The following CSMD1 variants were observed in gnomAD, a reference collection of about 807,000 sequenced individuals.
CSMD1 encodes the protein CUB and Sushi multiple domains 1.
CSMD1 carries 213 observed loss-of-function variants against 417.5 expected under a neutral mutation model. The observed-to-expected ratio is 0.51, with a 90% confidence interval of 0.46 to 0.57. The LOEUF is 0.57. CSMD1 is among the 20% of genes least tolerant of loss of function. CSMD1 has a pLI of 0.00. For missense variants in CSMD1, 6,923 were observed against 4,529.7 expected (o/e 1.53, Z -15.17); for synonymous variants, 2,862 against 1,736.8 (o/e 1.65, Z -16.11).
intron 2 of CSMD1, among the ~76,000 whole-genome samples, chr8:4,421,047 A>G (rs903906955): frequency 6.6e-6 from 1 of 152,190 alleles, no homozygotes; most frequent in African/African-American, 2.4e-5. Context: ...CCCCTTAAAG[A>G]GACTCATTTG....
chr8:3,851,661 G>A (rs760806882), intron 5 of CSMD1, among the ~76,000 whole-genome samples: 1 of 152,008 alleles, frequency 6.6e-6, no homozygotes, highest in African/African-American at 2.4e-5. Context: ...TAGACAATAA[G>A]AAACAAAGAA....
chr8:4,664,499 T>C (rs1174064984), intron 1 of CSMD1, among the ~76,000 whole-genome samples: 3 of 152,096 alleles, frequency 2.0e-5, no homozygotes, highest in Non-Finnish European at 2.9e-5. Context: ...AGTTCAAGGC[T>C]GCAGTGAGCC....
At chr8:4,956,168 T>G (rs1305702130) in intron 1 of CSMD1, among the ~76,000 whole-genome samples, 1 of 152,132 alleles carries the variant, frequency 6.6e-6, no homozygotes, top group African/African-American at 2.4e-5. Context: ...TCTAGAGTTG[T>G]TTCTTTTCTA....
chr8:3,770,335 C>T (rs974463756), intron 5 of CSMD1, among the ~76,000 whole-genome samples: 1 of 152,156 alleles, frequency 6.6e-6, no homozygotes, highest in African/African-American at 2.4e-5. Flanking sequence ...TCAAGACCAG[C>T]CTGTCCTATG....
intron 3 of CSMD1, among the ~76,000 whole-genome samples, chr8:4,192,099 G>A (rs1026333344): frequency 2.0e-5 from 3 of 152,102 alleles, no homozygotes; most frequent in African/African-American, 2.4e-5. Flanking sequence ...CCAAAAACGT[G>A]GGAAGGAGAA....
At chr8:3,347,932 G>C in intron 22 of CSMD1, 60 bp downstream of exon 22, 1 of 1,186,922 alleles carries the variant, frequency 8.4e-7, no homozygotes, top group South Asian at 1.5e-5. Context: ...AAAATAGATA[G>C]ACAATGTATT....
At chr8:4,672,044 G>C (rs1044664355) in intron 1 of CSMD1, among the ~76,000 whole-genome samples, 3 of 152,180 alleles carry the variant, frequency 2.0e-5, no homozygotes, top group African/African-American at 7.2e-5. Flanking sequence ...CACCAAGGCA[G>C]TCCTGTACCT....
At chr8:3,946,836 A>T (rs966989572) in intron 5 of CSMD1, among the ~76,000 whole-genome samples, 27 of 152,264 alleles carry the variant, frequency 1.8e-4, no homozygotes, top group African/African-American at 6.0e-4. Context: ...TAAATGTTAT[A>T]ATTTTAAAAA....
intron 1 of CSMD1, among the ~76,000 whole-genome samples, chr8:4,741,065 T>C (rs191124340): frequency 6.6e-6 from 1 of 152,236 alleles, no homozygotes; most frequent in Admixed American, 6.5e-5. Context: ...TTAATCCTTA[T>C]GCTTTAAGGA....
chr8:4,550,814 C>G (rs758971361), intron 2 of CSMD1, among the ~76,000 whole-genome samples: 9 of 152,180 alleles, frequency 5.9e-5, no homozygotes, highest in Non-Finnish European at 1.3e-4. Context: ...AAACCACCAC[C>G]AATTGGTCCA....
At chr8:3,148,106 G>A (rs766294199) in intron 40 of CSMD1, among the ~76,000 whole-genome samples, 2 of 152,148 alleles carry the variant, frequency 1.3e-5, no homozygotes, top group African/African-American at 2.4e-5. Context: ...GTAACCACAG[G>A]AAATGTTCCA....
At position 4,895,227 on chromosome 8, in the gene CSMD1, A is replaced by C. The variant is rs116315169; in HGVS notation, c.85+99105T>G. On this transcript the variant is annotated intron_variant, in intron 1 of 69. Transcript: ENST00000635120. ...TAAGCTAACCATGTACAACTAAGAC[A>C]ACCTGAATCACGTTCAGAGATGAAC... Among the ~76,000 whole-genome samples, 124 of 152,290 alleles carry C rather than the reference A, an allele frequency of 8.1e-4. 2 individuals carry two copies. The highest frequency in any genetic ancestry group is 2.9e-3 in the African/African-American group (121 of 41,532).
intron 3 of CSMD1, among the ~76,000 whole-genome samples, chr8:4,160,380 G>C (rs1484685754): frequency 1.3e-5 from 2 of 152,130 alleles, no homozygotes; most frequent in African/African-American, 4.8e-5. Flanking sequence ...TGGAAATTTG[G>C]TGTTATGTTG....
intron 1 of CSMD1, among the ~76,000 whole-genome samples, chr8:4,981,069 G>C (rs571080282): frequency 1.3e-4 from 20 of 152,306 alleles, no homozygotes; most frequent in Admixed American, 1.2e-3. Flanking sequence ...TGAACACCAT[G>C]ATGCGTGCAT....
intron 10 of CSMD1, among the ~76,000 whole-genome samples, chr8:3,518,319 C>A (rs1797365836): frequency 6.6e-6 from 1 of 152,064 alleles, no homozygotes; most frequent in African/African-American, 2.4e-5. Flanking sequence ...GACGCAAATT[C>A]CTCTGGAGCT....
intron 2 of CSMD1, among the ~76,000 whole-genome samples, chr8:4,453,758 T>A (rs141690446): frequency 1.3e-4 from 19 of 151,076 alleles, no homozygotes; most frequent in African/African-American, 4.6e-4. Context: ...GGTCCCCATT[T>A]GAGCGAACGC....
chr8:3,133,181 C>CCCTTCTTGGCTGCTGCTGTCCTCCTGGG (rs1213675849), intron 41 of CSMD1, among the ~76,000 whole-genome samples: 1 of 152,146 alleles, frequency 6.6e-6, no homozygotes, highest in South Asian at 2.1e-4. Context: ...GACCTGGGGC[C>CCCTTCTTGGCTGCTGCTGTCCTCCTGGG]CCTTCTTGGC....
intron 12 of CSMD1, among the ~76,000 whole-genome samples, chr8:3,433,604 C>T (rs568487973): frequency 8.5e-5 from 13 of 152,190 alleles, no homozygotes; most frequent in Non-Finnish European, 1.5e-4. Context: ...CTAGTGCTGA[C>T]GAGGGCATCT....
At chr8:4,652,771 G>T (rs892062531) in intron 1 of CSMD1, among the ~76,000 whole-genome samples, 3 of 152,170 alleles carry the variant, frequency 2.0e-5, no homozygotes, top group Non-Finnish European at 4.4e-5. Flanking sequence ...TTTTGTGGAA[G>T]ACAATTTTTC....
Sources: allele counts gnomAD v4.1 joint callset (sites outside exome capture counted in the v4.1 genomes callset), GRCh38; gene constraint gnomAD v4.1.1; transcripts MANE v1.5; gene names NCBI Gene and HGNC (gene_info 2026-07-23, HGNC 2026-07-21).